STAB2: variants seen among roughly 807,000 people sequenced by gnomAD.
STAB2 encodes the protein stabilin-2.
Under a neutral mutation model 338.1 loss-of-function variants are expected in STAB2, and 288 were observed. The observed-to-expected ratio is 0.85, with a 90% confidence interval of 0.77 to 0.94. The LOEUF (loss-of-function observed/expected upper bound fraction) is 0.94, where lower values mean the gene tolerates loss of function less well. Among genes scored for constraint, STAB2 ranks in the 40% least tolerant of loss-of-function variants. The probability of loss-of-function intolerance (pLI) is 0.00; values close to 1 mark genes in which losing one functional copy is unlikely to be tolerated. For synonymous variants in STAB2, 1,202 were observed against 1,193.3 expected, an observed-to-expected ratio of 1.01 and a Z score of -0.15; for missense variants, 3,141 against 3,210.1, an observed-to-expected ratio of 0.98 and a Z score of 0.52.
chr12:103,763,724 G>A (rs3751196), intron 68 of STAB2, 116 bp downstream of exon 68: 128,474 of 1,011,674 alleles, frequency 0.13, 12,057 homozygotes, highest in East Asian at 0.47. Flanking sequence ...TAGAATGTAT[G>A]TCAGGTAACA....
chr12:103,640,922 A>T (rs1322678670), intron 9 of STAB2, among the ~76,000 whole-genome samples: 1 of 152,192 alleles, frequency 6.6e-6, no homozygotes, highest in African/African-American at 2.4e-5. Context: ...GGTTGTTGTG[A>T]TGATTACATG....
At chr12:103,619,604 A>G (rs1296426645) in intron 3 of STAB2, among the ~76,000 whole-genome samples, 1 of 152,174 alleles carries the variant, frequency 6.6e-6, no homozygotes, top group South Asian at 2.1e-4. Flanking sequence ...CATAAAAGCT[A>G]CAATTCAGAT....
Position 103,705,680 on chromosome 12 carries a change from C to A in STAB2, c.3949C>A (p.Arg1317=). Residue 1317 remains arginine (R), a synonymous_variant, in exon 37 of 69, where the codon CGA becomes AGA. Transcript: ENST00000388887. ...CTATACCTCCTATTTCATGGGAAGA[C>A]GAACCCTGTTTATTGGGTGCCAGCC... ...CIYTSYFMGR[R]TLFIGCQPKC... 1 of 1,614,150 alleles carries A rather than the reference C, an allele frequency of 6.2e-7. No individual in the cohort carries two copies. The highest frequency in any genetic ancestry group is 1.7e-5 in the Admixed American group (1 of 60,022).
intron 9 of STAB2, 30 bp from the exon 10 acceptor site, chr12:103,648,660 C>T (rs756849554): frequency 6.8e-6 from 11 of 1,608,002 alleles, no homozygotes; most frequent in Middle Eastern, 1.7e-4. Context: ...GCTCTAAAAC[C>T]CTGAGGATGT....
At position 103,746,508 on chromosome 12, in the gene STAB2, G is replaced by A. The variant is rs1052096630; in HGVS notation, c.6137-89G>A. On this transcript the variant is annotated intron_variant, in intron 57 of 68. Coordinates refer to ENST00000388887, the MANE Select transcript of STAB2 (RefSeq NM_017564.10). ...AGGGGCACTTATGAACACAGTGGTC[G>A]TCCAGAGAGAGTCTTGGAAAGTCTC... 71 of 1,230,824 alleles carry A rather than the reference G, an allele frequency of 5.8e-5. No individual in the cohort carries two copies. The Middle Eastern group carries it at 7.6e-4, about 13-fold the overall frequency. 76.2% of individuals were successfully genotyped at this position (1,230,824 alleles called of 1,614,324 possible). A position where few individuals can be genotyped will look rare whatever the true frequency, so the allele number is the denominator to read the frequency against.
chr12:103,658,356 C>T lies in STAB2; in HGVS notation c.1735-1975C>T, dbSNP rs537276876. 1.6e-4 allele frequency among the ~76,000 whole-genome samples: 25 copies of T among 152,196 alleles called. No individual in the cohort carries two copies. The South Asian group carries it at 3.5e-3, about 22-fold the overall frequency. ...ACAGCTCCTGGAAACCTACCCTGTTCGAGCCACACTGGAGTGAATTCGAAC... is the reference window on the plus strand; with the variant it reads ...ACAGCTCCTGGAAACCTACCCTGTTTGAGCCACACTGGAGTGAATTCGAAC... On this transcript the variant is annotated intron_variant, in intron 15 of 68. Transcript: ENST00000388887.
chr12:103,740,867 A>T, intron 55 of STAB2, 111 bp downstream of exon 55: 2 of 1,388,160 alleles, frequency 1.4e-6, no homozygotes, highest in Non-Finnish European at 1.9e-6. Context: ...AACACTGCTA[A>T]TAATGATTCC....
At chr12:103,730,038 G>A in intron 48 of STAB2, 78 bp from the exon 49 acceptor site, 2 of 1,405,012 alleles carry the variant, frequency 1.4e-6, no homozygotes, top group Non-Finnish European at 1.9e-6. Flanking sequence ...TGACACATTG[G>A]TAAAGCATTC....
rs114096344 is a variant in STAB2, at chr12:103,713,719, A to G, written c.4488A>G (p.Arg1496=). The part of the protein sequence containing the change: ...ADCKRTTPGR[R]VCTCKAGYTG... ...GTAAGAGAACCACCCCAGGAAGGCG[A>G]GTGTGCACGTGCAAAGCAGGCTACA... Residue 1496 remains arginine (R), a synonymous_variant, in exon 42 of 69, where the codon CGA becomes CGG. Coordinates refer to ENST00000388887, the MANE Select transcript of STAB2 (RefSeq NM_017564.10). The G allele has an allele frequency of 1.1e-3, 1,811 of 1,614,094 alleles. 15 individuals are homozygous for G. The African/African-American group carries it at 0.021, about 19-fold the overall frequency.
intron 25 of STAB2, among the ~76,000 whole-genome samples, chr12:103,678,463 A>G (rs1020911580): frequency 6.6e-6 from 1 of 152,210 alleles, no homozygotes; most frequent in Admixed American, 6.5e-5. Context: ...TTGATGAGAT[A>G]TTAAAGCCCA....
rs189057583 is a variant in STAB2, at chr12:103,732,282, C to T, written c.5283+647C>T. 5.2e-4 allele frequency among the ~76,000 whole-genome samples: 79 copies of T among 152,148 alleles called. No individual in the cohort carries two copies. In the East Asian group the frequency reaches 0.01, roughly 20 times the overall value. On this transcript the variant is annotated intron_variant, in intron 50 of 68. Transcript: ENST00000388887. Reference sequence around the variant, plus strand: ...TGAGATCGCACCACTGCACTCCAGCCGGGGTGACAGAGTGAGACTCCATCT... The same window carrying T: ...TGAGATCGCACCACTGCACTCCAGCTGGGGTGACAGAGTGAGACTCCATCT...
intron 31 of STAB2, among the ~76,000 whole-genome samples, chr12:103,694,393 A>G (rs1162618985): frequency 6.6e-6 from 1 of 152,070 alleles, no homozygotes; most frequent in African/African-American, 2.4e-5. Flanking sequence ...TTCAGCTCCA[A>G]CAACTCAGAA....
At chr12:103,709,338 T>G (rs1879641151) in intron 39 of STAB2, among the ~76,000 whole-genome samples, 1 of 152,162 alleles carries the variant, frequency 6.6e-6, no homozygotes, top group African/African-American at 2.4e-5. Flanking sequence ...GCAGGAGCAG[T>G]GGGCAGGCGC....
chr12:103,633,712 A>G (rs971387033), intron 6 of STAB2, among the ~76,000 whole-genome samples: 2 of 152,164 alleles, frequency 1.3e-5, no homozygotes, highest in African/African-American at 2.4e-5. Context: ...AGCAATAAAC[A>G]TGAAAAAGGT....
Position 103,654,626 on chromosome 12 carries a change from T to G in STAB2, c.1479T>G (p.Ala493=). 1 of 1,614,198 alleles carries G rather than the reference T, an allele frequency of 6.2e-7. No homozygotes were observed. The highest frequency in any genetic ancestry group is 1.1e-5 in the South Asian group (1 of 91,082). Residue 493 remains alanine (A), a synonymous_variant, in exon 13 of 69, where the codon GCT becomes GCG. Transcript: ENST00000388887. ...KVKIIQGDII[A]SNGLLHILDR... ...AAATTATACAAGGGGACATCATTGCTTCCAATGGGCTTCTGCACATCCTTG... is the reference window on the plus strand; with the variant it reads ...AAATTATACAAGGGGACATCATTGCGTCCAATGGGCTTCTGCACATCCTTG...
At chr12:103,763,728 G>A in intron 68 of STAB2, 120 bp downstream of exon 68, 1 of 982,830 alleles carries the variant, frequency 1.0e-6, no homozygotes, top group Non-Finnish European at 1.5e-6. Flanking sequence ...ATGTATGTCA[G>A]GTAACAAGCC....
At chr12:103,678,364 C>T (rs10861073) in intron 25 of STAB2, among the ~76,000 whole-genome samples, 46,313 of 152,050 alleles carry the variant, frequency 0.3, 7,628 homozygotes, top group South Asian at 0.43. Flanking sequence ...CATGATATCT[C>T]CCACTTGACC....
intron 40 of STAB2, among the ~76,000 whole-genome samples, 156 bp from the exon 41 acceptor site, chr12:103,712,211 T>C (rs956429512): frequency 6.6e-6 from 1 of 152,206 alleles, no homozygotes. Flanking sequence ...GGTGGGGTTA[T>C]GCCAGAATTA....
At chr12:103,707,814 G>A (rs1226155437) in intron 38 of STAB2, among the ~76,000 whole-genome samples, 2 of 152,252 alleles carry the variant, frequency 1.3e-5, no homozygotes, top group East Asian at 3.9e-4. Flanking sequence ...TTATAATTGG[G>A]CCATATAATA....
Sources: allele counts gnomAD v4.1 joint callset (sites outside exome capture counted in the v4.1 genomes callset), GRCh38; gene constraint gnomAD v4.1.1; transcripts MANE v1.5; gene names NCBI Gene and HGNC (gene_info 2026-07-23, HGNC 2026-07-21).